ATP2B2: variants seen among roughly 807,000 people sequenced by gnomAD.
The protein encoded by ATP2B2 is plasma membrane calcium-transporting ATPase 2.
A neutral mutation model predicts 120.0 loss-of-function variants in ATP2B2; 15 were observed. That is an observed-to-expected ratio of 0.12 (90% CI 0.08 to 0.19). The LOEUF (loss-of-function observed/expected upper bound fraction) is 0.19. ATP2B2 is among the 10% of genes least tolerant of loss of function. The pLI, the probability that ATP2B2 is intolerant of heterozygous loss-of-function variation, is 1.00. For missense variants in ATP2B2, 1,045 were observed against 1,719.8 expected, an observed-to-expected ratio of 0.61 and a Z score of 6.94; for synonymous variants, 694 against 700.3, an observed-to-expected ratio of 0.99 and a Z score of 0.14.
chr3:10,469,693 T>C (rs890997585), intron 1 of ATP2B2, among the ~76,000 whole-genome samples: 1 of 152,194 alleles, frequency 6.6e-6, no homozygotes, highest in African/African-American at 2.4e-5. Context: ...ACGTGCTCCA[T>C]CTACAAAAAT....
At chr3:10,417,074 G>T (rs1347989690) in intron 2 of ATP2B2, among the ~76,000 whole-genome samples, 4 of 141,946 alleles carry the variant, frequency 2.8e-5, no homozygotes, top group East Asian at 4.1e-4. Context: ...GGCGGCGGGG[G>T]GGGGCGGGCA....
At chr3:10,363,463 G>C (rs1294347662) in intron 12 of ATP2B2, among the ~76,000 whole-genome samples, 1 of 152,228 alleles carries the variant, frequency 6.6e-6, no homozygotes, top group Non-Finnish European at 1.5e-5. Context: ...CAGAGCCCCT[G>C]ATTCCAGTTC....
chr3:10,482,813 C>T (rs1290408075), intron 1 of ATP2B2, among the ~76,000 whole-genome samples: 1 of 152,232 alleles, frequency 6.6e-6, no homozygotes, highest in African/African-American at 2.4e-5. Flanking sequence ...AAGGAAAGGC[C>T]TCCGTCTGCC....
chr3:10,324,560 C>G lies in ATP2B2; in HGVS notation c.*4254G>C, dbSNP rs560201414. The G allele has an allele frequency of 6.6e-6, 1 of 152,168 alleles. No homozygotes were observed. The highest frequency in any genetic ancestry group is 2.4e-5 in the African/African-American group (1 of 41,438). The allele number at this position is 152,168 out of a possible 1,614,324, so 9.4% of individuals were successfully genotyped here. ...GGAAGGCCTAAAAGCCTTCAAGAAA[C>G]GCTCTTCCCTACAAGAGCCTCTAAT... On this transcript the variant is annotated 3_prime_UTR_variant, in exon 23 of 23. Coordinates refer to ENST00000360273, the MANE Select transcript of ATP2B2 (RefSeq NM_001001331.4).
At chr3:10,403,831 T>A (rs936665453) in intron 3 of ATP2B2, among the ~76,000 whole-genome samples, 1 of 152,072 alleles carries the variant, frequency 6.6e-6, no homozygotes, top group Non-Finnish European at 1.5e-5. Flanking sequence ...GATAATGGGG[T>A]TTGGATCCAG....
At chr3:10,610,150 T>C (rs76057917) in intron 2 of ATP2B2, among the ~76,000 whole-genome samples, 23,075 of 132,966 alleles carry the variant, frequency 0.17, 1,850 homozygotes, top group South Asian at 0.29. Context: ...TATATATATA[T>C]ATATATGACA....
intron 14 of ATP2B2, among the ~76,000 whole-genome samples, chr3:10,350,836 C>G (rs2060559393): frequency 6.6e-6 from 1 of 152,244 alleles, no homozygotes; most frequent in Non-Finnish European, 1.5e-5. Context: ...TCGCTACCAC[C>G]TATTGACCAT....
intron 3 of ATP2B2, 123 bp downstream of exon 3, chr3:10,410,495 C>T (rs1379268311): frequency 3.1e-6 from 4 of 1,275,340 alleles, no homozygotes; most frequent in Non-Finnish European, 4.3e-6. Context: ...GGGGCCCTGC[C>T]CCTTGGACCT....
At position 10,358,703 on chromosome 3, in the gene ATP2B2, C is replaced by G. The variant is rs766256193; in HGVS notation, c.2124G>C (p.Pro708=). 5 of 1,614,162 alleles carry G rather than the reference C, an allele frequency of 3.1e-6. No individual in the cohort carries two copies. Among genetic ancestry groups the G allele is most frequent in the Admixed American group, 1.7e-5 (1 of 60,026 alleles). The change falls in exon 14 of 23, where the codon CCG becomes CCC. Residue 708 remains proline (P), a synonymous_variant. Coordinates refer to ENST00000360273, the MANE Select transcript of ATP2B2 (RefSeq NM_001001331.4). ...CCCTGGGGCCTACCTCTGGCCGCAC[C>G]GGGTCCTCGATGCCCACCACGCAGA... is the stretch of plus-strand genomic sequence containing the variant. ...TCICVVGIED[P]VRPEVPEAIR...
intron 2 of ATP2B2, among the ~76,000 whole-genome samples, chr3:10,557,471 G>T (rs1438638115): frequency 1.3e-5 from 2 of 152,300 alleles, no homozygotes; most frequent in African/African-American, 2.4e-5. Flanking sequence ...GAGCCTTCTG[G>T]TAGGAAAGCC....
chr3:10,430,883 T>C (rs761107088), intron 2 of ATP2B2, among the ~76,000 whole-genome samples: 11 of 150,316 alleles, frequency 7.3e-5, no homozygotes, highest in Non-Finnish European at 1.6e-4. Flanking sequence ...GGTGGCCTCT[T>C]GGGGCTTGGC....
chr3:10,453,800 A>G (rs1575275513), intron 1 of ATP2B2, among the ~76,000 whole-genome samples: 3 of 152,248 alleles, frequency 2.0e-5, no homozygotes, highest in South Asian at 4.2e-4. Flanking sequence ...TGTTGATTTT[A>G]ATGACTACTG....
intron 1 of ATP2B2, among the ~76,000 whole-genome samples, chr3:10,465,748 G>A (rs550580477): frequency 6.6e-6 from 1 of 152,226 alleles, no homozygotes; most frequent in Non-Finnish European, 1.5e-5. Context: ...GGACTGACAA[G>A]GCCGGAGCTG....
chr3:10,403,155 A>T (rs189085150), intron 3 of ATP2B2, among the ~76,000 whole-genome samples: 1 of 152,188 alleles, frequency 6.6e-6, no homozygotes, highest in Non-Finnish European at 1.5e-5. Context: ...GGGATCACTG[A>T]GACCACCTTC....
At chr3:10,337,639 GT>G (rs1483632587) in intron 22 of ATP2B2, among the ~76,000 whole-genome samples, 1 of 152,150 alleles carries the variant, frequency 6.6e-6, no homozygotes, top group African/African-American at 2.4e-5. Context: ...GTGTGTGCAT[GT>G]GTGTCTGTGT....
chr3:10,622,658 G>A (rs1448859249), intron 1 of ATP2B2, among the ~76,000 whole-genome samples: 1 of 152,158 alleles, frequency 6.6e-6, no homozygotes, highest in Non-Finnish European at 1.5e-5. Flanking sequence ...TAAATTGCAG[G>A]TGACCGCACT....
chr3:10,672,623 A>G (rs2071129785), intron 1 of ATP2B2, among the ~76,000 whole-genome samples: 1 of 152,242 alleles, frequency 6.6e-6, no homozygotes, highest in Non-Finnish European at 1.5e-5. Flanking sequence ...CTGTCACTAC[A>G]TTTTAAAGGT....
chr3:10,480,291 G>A (rs888382386), intron 1 of ATP2B2, among the ~76,000 whole-genome samples: 3 of 152,294 alleles, frequency 2.0e-5, no homozygotes, highest in South Asian at 2.1e-4. Flanking sequence ...GACCGACAGC[G>A]TTGCTGGATT....
At chr3:10,443,577 C>T (rs2125152568) in intron 2 of ATP2B2, among the ~76,000 whole-genome samples, 1 of 152,230 alleles carries the variant, frequency 6.6e-6, no homozygotes, top group Admixed American at 6.5e-5. Flanking sequence ...GTGCTAAAAC[C>T]CGCCTGAAAA....
Sources: allele counts gnomAD v4.1 joint callset (sites outside exome capture counted in the v4.1 genomes callset), GRCh38; gene constraint gnomAD v4.1.1; transcripts MANE v1.5; gene names NCBI Gene and HGNC (gene_info 2026-07-23, HGNC 2026-07-21).